Variants in ASB7 observed in about 807,000 individuals in gnomAD.
The protein encoded by ASB7 is ankyrin repeat and SOCS box protein 7.
A neutral mutation model predicts 32.5 loss-of-function variants in ASB7; 4 were observed. The ratio of observed to expected loss-of-function variants is 0.12; its 90% CI spans 0.06 to 0.28. ASB7 has a LOEUF of 0.28. Among genes scored for constraint, ASB7 ranks in the 10% least tolerant of loss-of-function variants. The pLI, the probability that ASB7 is intolerant of heterozygous loss-of-function variation, is 1.00. For synonymous variants in ASB7, 172 were observed against 155.6 expected (o/e 1.11, Z -0.78); for missense variants, 181 against 407.1 (o/e 0.44, Z 4.78).
intron 4 of ASB7, among the ~76,000 whole-genome samples, chr15:100,615,116 A>G (rs917001497): frequency 2.0e-5 from 3 of 152,212 alleles, no homozygotes; most frequent in African/African-American, 7.2e-5. Flanking sequence ...GCTATATATA[A>G]CCTGGGTGTG....
chr15:100,642,184 G>T (rs1324885619), intron 5 of ASB7, among the ~76,000 whole-genome samples: 2 of 152,228 alleles, frequency 1.3e-5, no homozygotes, highest in East Asian at 3.8e-4. Context: ...CTCAGAATGT[G>T]CATTTTTCCC....
chr15:100,644,029 C>T (rs986669129), intron 5 of ASB7, among the ~76,000 whole-genome samples: 2 of 152,078 alleles, frequency 1.3e-5, no homozygotes, highest in Admixed American at 1.3e-4. Context: ...AGCTGGATCA[C>T]CTGAGGCCAG....
chr15:100,627,950 C>A (rs1421156250), intron 4 of ASB7, among the ~76,000 whole-genome samples: 1 of 152,136 alleles, frequency 6.6e-6, no homozygotes, highest in Non-Finnish European at 1.5e-5. Context: ...AGTATCTGCC[C>A]GGTGGAAACA....
chr15:100,617,714 A>G (rs112338248), intron 4 of ASB7, among the ~76,000 whole-genome samples: 8,068 of 152,316 alleles, frequency 0.053, 216 homozygotes, highest in Middle Eastern at 0.071. Flanking sequence ...CAGCTATCAT[A>G]AGCGTAATGA....
At chr15:100,623,973 G>T (rs2039814842) in intron 4 of ASB7, among the ~76,000 whole-genome samples, 1 of 152,162 alleles carries the variant, frequency 6.6e-6, no homozygotes, top group African/African-American at 2.4e-5. Context: ...ACACACAATA[G>T]AATACAATTT....
chr15:100,632,452 A>G (rs1197091192), intron 5 of ASB7, among the ~76,000 whole-genome samples: 1 of 152,186 alleles, frequency 6.6e-6, no homozygotes, highest in Non-Finnish European at 1.5e-5. Context: ...TTGGCTCTAA[A>G]TAGGTTTTCT....
chr15:100,628,696 A>G (rs185754087), intron 4 of ASB7, among the ~76,000 whole-genome samples: 2 of 152,364 alleles, frequency 1.3e-5, no homozygotes, highest in Admixed American at 6.5e-5. Flanking sequence ...ATAAATTATT[A>G]TAGTTGTTTT....
chr15:100,603,822 G>T (rs139707582), intron 2 of ASB7, among the ~76,000 whole-genome samples: 129 of 152,288 alleles, frequency 8.5e-4, no homozygotes, highest in African/African-American at 2.9e-3. Context: ...TTATTGGCCT[G>T]AGATTTATGA....
chr15:100,640,670 C>T (rs996253584), intron 5 of ASB7, among the ~76,000 whole-genome samples: 2 of 152,170 alleles, frequency 1.3e-5, no homozygotes, highest in Non-Finnish European at 2.9e-5. Context: ...ATTTTGCTCA[C>T]TTTGGGTATT....
intron 4 of ASB7, among the ~76,000 whole-genome samples, chr15:100,617,996 C>T (rs2039758763): frequency 1.3e-5 from 2 of 152,192 alleles, no homozygotes; most frequent in South Asian, 4.1e-4. Context: ...CCTGTGTCAC[C>T]CAGGCTGCAG....
At chr15:100,644,973 CG>C (rs1217001249) in intron 5 of ASB7, among the ~76,000 whole-genome samples, 3 of 152,218 alleles carry the variant, frequency 2.0e-5, no homozygotes, top group African/African-American at 7.2e-5. Context: ...TCTCGAAAAG[CG>C]TATGTTCATA....
chr15:100,611,481 A>ATTATTTTTTTTTTTTTTT (rs1188398570), intron 3 of ASB7, among the ~76,000 whole-genome samples: 1 of 13,304 alleles, frequency 7.5e-5, no homozygotes, highest in African/African-American at 1.4e-4. Context: ...GATTGTTTCG[A>ATTATTTTTTTTTTTTTTT]TTCTTTTTTT....
At chr15:100,604,091 T>C (rs1414945425) in intron 2 of ASB7, among the ~76,000 whole-genome samples, 1 of 152,228 alleles carries the variant, frequency 6.6e-6, no homozygotes, top group Non-Finnish European at 1.5e-5. Flanking sequence ...GACTCAGGAA[T>C]TTAAAAACAA....
In ASB7 at chr15:100,649,910, G is replaced by A. The variant is rs187045768; in HGVS notation, c.*1448G>A. ...GTTTACAAGACGAAGGGCTTCTCTC[G>A]TCTGAATTTCTAGATTTAAGTCATG... On this transcript the variant is annotated 3_prime_UTR_variant, in exon 6 of 6. Coordinates refer to ENST00000332783, the MANE Select transcript of ASB7 (RefSeq NM_198243.3). 4.6e-5 allele frequency: 7 copies of A among 152,328 alleles called. No individual in the cohort carries two copies. In the East Asian group the frequency reaches 7.7e-4, roughly 17 times the overall value. 9.4% of individuals were successfully genotyped at this position (152,328 alleles called of 1,614,324 possible).
At chr15:100,619,707 C>T (rs1214494179) in intron 4 of ASB7, among the ~76,000 whole-genome samples, 1 of 152,126 alleles carries the variant, frequency 6.6e-6, no homozygotes, top group East Asian at 1.9e-4. Context: ...GTAAAACCAC[C>T]GATCAGTGAT....
intron 5 of ASB7, among the ~76,000 whole-genome samples, chr15:100,644,548 A>C (rs2039984651): frequency 6.6e-6 from 1 of 152,228 alleles, no homozygotes; most frequent in African/African-American, 2.4e-5. Context: ...CATTCAACTC[A>C]TATTCGCCGA....
intron 4 of ASB7, among the ~76,000 whole-genome samples, chr15:100,612,760 A>C (rs911482144): frequency 1.3e-5 from 2 of 152,216 alleles, no homozygotes; most frequent in African/African-American, 4.8e-5. Context: ...CCATAATTAG[A>C]GAATTGCACA....
At position 100,632,576 on chromosome 15, in the gene ASB7, C is replaced by T. The variant is rs537659319; in HGVS notation, c.817+2534C>T. Among the ~76,000 whole-genome samples the T allele has an allele frequency of 9.9e-5, 15 of 152,272 alleles. No homozygotes were observed. In the South Asian group the frequency reaches 3.1e-3, roughly 32 times the overall value. The stretch of plus-strand genomic sequence containing the variant: ...TTGGTTGGTTCAGGGAGCACTAAAT[C>T]AAAGCTGAGAGCTTCTTCTAGCCCG... On this transcript the variant is annotated intron_variant, in intron 5 of 5. Transcript: ENST00000332783.
intron 4 of ASB7, among the ~76,000 whole-genome samples, chr15:100,623,870 A>T (rs1008572196): frequency 5.3e-5 from 8 of 152,230 alleles, no homozygotes; most frequent in African/African-American, 1.7e-4. Context: ...AAATCAGTAT[A>T]TCAAAGGAAT....
Sources: gnomAD v4.1 joint callset for allele counts (sites outside exome capture counted in the v4.1 genomes callset) on GRCh38, gnomAD v4.1.1 for gene constraint, MANE v1.5 for transcripts, NCBI Gene and HGNC (gene_info 2026-07-23, HGNC 2026-07-21) for gene names.